The following HEATR5B variants were observed in gnomAD, a reference collection of about 807,000 sequenced individuals.
HEATR5B encodes the protein HEAT repeat-containing protein 5B.
HEATR5B carries 156 observed loss-of-function variants against 224.1 expected under a neutral mutation model. The observed-to-expected ratio is 0.70, with a 90% confidence interval of 0.61 to 0.80. The LOEUF is 0.80. Ranked by LOEUF, HEATR5B falls within the 30% of genes least tolerant of loss-of-function variation. The pLI is 0.00. For missense variants in HEATR5B, 2,323 were observed against 2,535.5 expected (o/e 0.92, Z 1.80); for synonymous variants, 1,027 against 893.0 (o/e 1.15, Z -2.68).
At chr2:37,063,039 A>T (rs985124377) in intron 10 of HEATR5B, among the ~76,000 whole-genome samples, 1 of 152,168 alleles carries the variant, frequency 6.6e-6, no homozygotes, top group African/African-American at 2.4e-5. Flanking sequence ...ACCTAAAGTG[A>T]TCCTCCAGCC....
At chr2:37,030,314 A>G (rs1669047606) in intron 22 of HEATR5B, among the ~76,000 whole-genome samples, 2 of 152,268 alleles carry the variant, frequency 1.3e-5, no homozygotes, top group South Asian at 4.1e-4. Flanking sequence ...AGAGAACACT[A>G]GGAAGAGATT....
chr2:37,041,879 T>TA (rs1442965807), intron 18 of HEATR5B, among the ~76,000 whole-genome samples: 3 of 151,750 alleles, frequency 2.0e-5, no homozygotes, highest in Non-Finnish European at 2.9e-5. Context: ...AGCCAAGACT[T>TA]ATTTGAAATA....
At chr2:37,079,408 T>C (rs1330909557) in intron 2 of HEATR5B, 77 bp from the exon 3 acceptor site, 1 of 696,066 alleles carries the variant, frequency 1.4e-6, no homozygotes, top group African/African-American at 1.8e-5. Flanking sequence ...AAAAAACACT[T>C]AACACTTAAG....
At chr2:37,037,392 C>T (rs1019255863) in intron 21 of HEATR5B, among the ~76,000 whole-genome samples, 1 of 151,892 alleles carries the variant, frequency 6.6e-6, no homozygotes, top group East Asian at 2.0e-4. Context: ...ATCTGCCCAC[C>T]TTAGCCTCCC....
intron 35 of HEATR5B, among the ~76,000 whole-genome samples, chr2:36,983,093 G>A (rs1665693603): frequency 6.6e-6 from 1 of 152,118 alleles, no homozygotes; most frequent in East Asian, 1.9e-4. Context: ...CTTTCTCTTG[G>A]CAACTACCCA....
Position 37,083,350 on chromosome 2 carries a change from C to A in HEATR5B, c.65G>T (p.Arg22Ile), listed in dbSNP as rs750835626. 53 of 1,613,860 alleles carry A rather than the reference C, an allele frequency of 3.3e-5. 1 individual carries two copies. Among genetic ancestry groups the A allele is most frequent in the Admixed American group, 1.8e-4 (11 of 59,994 alleles). ...CAACCATTCAAAGATGAAAACTGGT[C>A]TTTTTGCTTCGGTGATTTGAGCCAA... ...EALAQITEAK[R>I]PVFIFEWLRF... Residue 22 changes from arginine (R) to isoleucine (I), a missense_variant, in exon 2 of 36, where the codon AGA (arginine) becomes ATA (isoleucine). Physicochemically the swap from Arg to Ile is moderately conservative, Grantham distance 97. This residue lies in a region of HEATR5B where 292 missense variants were observed against 332.6 expected (regional missense o/e 0.88). Transcript: ENST00000233099.
At position 37,000,677 on chromosome 2, in the gene HEATR5B, A is replaced by C. The variant is rs762060196; in HGVS notation, c.5454T>G (p.Leu1818=). 15 of 1,614,034 alleles carry C rather than the reference A, an allele frequency of 9.3e-6. No individual in the cohort carries two copies. The South Asian group carries it at 1.6e-4, about 18-fold the overall frequency. The change falls in exon 33 of 36, where the codon CTT becomes CTG. Residue 1818 remains leucine (L), a synonymous_variant. Transcript: ENST00000233099. ...CGCCAGCCTCAGTTTTGGCCATTGA[A>C]AGTGTCACAATACTTTTAATCCCTT... is the stretch of plus-strand genomic sequence containing the variant. ...ALQGIKSIVT[L]SMAKTEAGVQ... is the part of the protein sequence containing the mutation.
At chr2:37,044,795 T>C (rs1434131489) in intron 18 of HEATR5B, among the ~76,000 whole-genome samples, 2 of 152,210 alleles carry the variant, frequency 1.3e-5, no homozygotes, top group Admixed American at 6.5e-5. Flanking sequence ...CAGCTTGATA[T>C]TGGTCCCAGA....
At chr2:37,022,787 G>C (rs1366466628) in intron 24 of HEATR5B, among the ~76,000 whole-genome samples, 1 of 152,186 alleles carries the variant, frequency 6.6e-6, no homozygotes, top group African/African-American at 2.4e-5. Flanking sequence ...TTAAAAGCAA[G>C]TCTCAGAATA....
At chr2:37,038,924 C>A (rs1669700201) in intron 20 of HEATR5B, among the ~76,000 whole-genome samples, 4 of 137,074 alleles carry the variant, frequency 2.9e-5, no homozygotes, top group Non-Finnish European at 4.8e-5. Flanking sequence ...GGTGGGGAAT[C>A]ACATATTTTT....
At chr2:37,005,577 A>T (rs774549525) in intron 30 of HEATR5B, 55 bp downstream of exon 30, 12 of 1,533,206 alleles carry the variant, frequency 7.8e-6, no homozygotes, top group Non-Finnish European at 9.8e-6. Flanking sequence ...TTTCCATTGT[A>T]AAGCAATACT....
chr2:37,005,878 C>A, intron 29 of HEATR5B, 119 bp from the exon 30 acceptor site: 1 of 717,900 alleles, frequency 1.4e-6, no homozygotes, highest in South Asian at 2.5e-5. Context: ...TTTATTAATA[C>A]CTTAAAGTAG....
At chr2:37,053,010 C>A (rs1221594579) in intron 17 of HEATR5B, among the ~76,000 whole-genome samples, 1 of 152,204 alleles carries the variant, frequency 6.6e-6, no homozygotes, top group South Asian at 2.1e-4. Flanking sequence ...CTACTGTATT[C>A]TTCTTCATAC....
At position 37,020,778 on chromosome 2, in the gene HEATR5B, A is replaced by T; in HGVS notation, c.3912T>A (p.Thr1304=). The part of the protein sequence containing the change: ...DLIRMAFMAA[T]DHSNQLRMAG... ...CCATTCGCAGCTGGTTGCTATGATC[A>T]GTTGCAGCCATGAATGCCATGCGAA... Residue 1304 remains threonine, a synonymous_variant, in exon 25 of 36, where the codon ACT becomes ACA. Transcript: ENST00000233099. The T allele has an allele frequency of 6.2e-7, 1 of 1,605,414 alleles. No homozygotes were observed. Among genetic ancestry groups the T allele is most frequent in the South Asian group, 1.1e-5 (1 of 89,200 alleles).
chr2:37,078,890 A>G (rs1672385732), intron 3 of HEATR5B, among the ~76,000 whole-genome samples: 1 of 152,214 alleles, frequency 6.6e-6, no homozygotes, highest in African/African-American at 2.4e-5. Flanking sequence ...TAGAATTTCC[A>G]ACTACCTATT....
At chr2:37,012,917 T>G (rs1050325199) in intron 27 of HEATR5B, among the ~76,000 whole-genome samples, 1 of 152,228 alleles carries the variant, frequency 6.6e-6, no homozygotes, top group South Asian at 2.1e-4. Flanking sequence ...CTTTGTAACT[T>G]TGTATTTCTC....
chr2:37,027,930 G>C lies in HEATR5B; in HGVS notation c.3846C>G (p.Asn1282Lys), dbSNP rs746956903. The C allele has an allele frequency of 1.2e-6, 2 of 1,613,396 alleles. No homozygotes were observed. The highest frequency in any genetic ancestry group is 2.2e-5 in the East Asian group (1 of 44,874). Reference protein sequence around the residue: ...LALARSAKLRNPTNDLLVLHL... With the variant: ...LALARSAKLRKPTNDLLVLHL... Reference sequence around the variant, plus strand: ...TACTGATTTTAAATTTACTTGTAGGGTTTCGAAGTTTAGCAGAACGTGCCA... The same window carrying C: ...TACTGATTTTAAATTTACTTGTAGGCTTTCGAAGTTTAGCAGAACGTGCCA... The change falls in exon 24 of 36, where the codon AAC becomes AAG. Residue 1282 changes from asparagine to lysine, a missense_variant. By Grantham distance (94) the Asn-to-Lys change is moderately conservative. This residue lies in a region of HEATR5B where 339 missense variants were observed against 378.4 expected (regional missense o/e 0.90). Coordinates refer to ENST00000233099, the MANE Select transcript of HEATR5B (RefSeq NM_019024.3).
Position 36,990,694 on chromosome 2 carries a change from C to T in HEATR5B, c.5651G>A (p.Gly1884Asp). The T allele has an allele frequency of 6.2e-7, 1 of 1,609,320 alleles. No individual in the cohort carries two copies. The highest frequency in any genetic ancestry group is 1.1e-5 in the South Asian group (1 of 90,168). ...TGCATTTTTAAATCTGTTCATGCAG[C>T]CATTCTGTAATGACTGGACTCCTAT... Reference protein sequence around the residue: ...EIIGVQSLQNGCMNRFKNALN... With the variant: ...EIIGVQSLQNDCMNRFKNALN... Residue 1884 changes from glycine (G) to aspartate (D), a missense_variant, in exon 34 of 36, where the codon GGC (glycine) becomes GAC (aspartate). Physicochemically the swap from Gly to Asp is moderately conservative, Grantham distance 94. Around this residue, in one of 12 missense-constraint regions of HEATR5B, gnomAD observed 844 missense variants for 812.9 expected, o/e 1.04. Coordinates refer to ENST00000233099, the MANE Select transcript of HEATR5B (RefSeq NM_019024.3).
chr2:37,019,140 A>T (rs996833116), intron 26 of HEATR5B, among the ~76,000 whole-genome samples: 1 of 152,000 alleles, frequency 6.6e-6, no homozygotes, highest in Non-Finnish European at 1.5e-5. Flanking sequence ...AGCCTGGGTG[A>T]CAGAGTGAGA....
Sources: allele counts gnomAD v4.1 joint callset (sites outside exome capture counted in the v4.1 genomes callset), GRCh38; gene constraint gnomAD v4.1.1; regional missense constraint gnomAD v4.1.1; transcripts MANE v1.5; gene names NCBI Gene and HGNC (gene_info 2026-07-23, HGNC 2026-07-21).